Variants in FREM3 observed in about 807,000 individuals in gnomAD.
FREM3 encodes the protein FRAS1-related extracellular matrix protein 3.
Under a neutral mutation model 129.1 loss-of-function variants are expected in FREM3, and 105 were observed. The observed-to-expected ratio is 0.81, with a 90% CI of 0.69 to 0.96. FREM3 has a LOEUF of 0.96. Ranked by LOEUF, FREM3 falls within the 40% of genes least tolerant of loss-of-function variation. The pLI, the probability that FREM3 is intolerant of heterozygous loss-of-function variation, is 0.00. For missense variants in FREM3, 2,593 were observed against 2,666.3 expected (o/e 0.97, Z 0.61); for synonymous variants, 1,014 against 1,044.9 (o/e 0.97, Z 0.57).
At chr4:143,610,195 G>A (rs1305188054) in intron 6 of FREM3, among the ~76,000 whole-genome samples, 1 of 152,060 alleles carries the variant, frequency 6.6e-6, no homozygotes, top group African/African-American at 2.4e-5. Context: ...TGGAGCAAAA[G>A]TAGTCTACTG....
intron 2 of FREM3, among the ~76,000 whole-genome samples, chr4:143,668,856 A>C (rs1739914587): frequency 6.6e-6 from 1 of 152,236 alleles, no homozygotes; most frequent in South Asian, 2.1e-4. Flanking sequence ...TCATACATGG[A>C]GACAACCCAG....
chr4:143,617,379 C>T (rs1031452056), intron 5 of FREM3, among the ~76,000 whole-genome samples: 22 of 151,946 alleles, frequency 1.4e-4, no homozygotes, highest in African/African-American at 5.3e-4. Context: ...ATGGGACAGC[C>T]CCCACAATAA....
At chr4:143,686,046 C>T (rs966182604) in intron 2 of FREM3, among the ~76,000 whole-genome samples, 1 of 152,038 alleles carries the variant, frequency 6.6e-6, no homozygotes, top group Admixed American at 6.6e-5. Context: ...TGGATAAGAA[C>T]TTACCAACCA....
At chr4:143,578,095 A>C (rs1738071429) in intron 7 of FREM3, among the ~76,000 whole-genome samples, 1 of 152,258 alleles carries the variant, frequency 6.6e-6, no homozygotes, top group South Asian at 2.1e-4. Context: ...TAGACCAGGC[A>C]CATCACCTTC....
chr4:143,595,658 T>C (rs146091293), intron 6 of FREM3, among the ~76,000 whole-genome samples: 156 of 151,990 alleles, frequency 1.0e-3, no homozygotes, highest in Middle Eastern at 6.8e-3. Context: ...GAGGCCAAGG[T>C]GGGCGGATCA....
intron 2 of FREM3, among the ~76,000 whole-genome samples, chr4:143,642,376 G>C (rs1462435622): frequency 2.0e-5 from 3 of 152,038 alleles, no homozygotes; most frequent in African/African-American, 4.8e-5. Flanking sequence ...CACACTACCT[G>C]ACCTCAAAAT....
intron 6 of FREM3, among the ~76,000 whole-genome samples, chr4:143,590,339 G>A (rs1560836111): frequency 1.3e-5 from 2 of 152,198 alleles, no homozygotes; most frequent in South Asian, 2.1e-4. Context: ...AATGTTTCCA[G>A]TTTTTGCCCA....
At chr4:143,630,423 T>C (rs2149843690) in intron 2 of FREM3, among the ~76,000 whole-genome samples, 1 of 152,328 alleles carries the variant, frequency 6.6e-6, no homozygotes, top group East Asian at 1.9e-4. Flanking sequence ...AACATTTTTC[T>C]TTTTAAAGCA....
chr4:143,663,592 T>G (rs994573199), intron 2 of FREM3, among the ~76,000 whole-genome samples: 11 of 152,106 alleles, frequency 7.2e-5, no homozygotes, highest in African/African-American at 2.7e-4. Flanking sequence ...GGCGTATCTT[T>G]GTGGCATTCT....
At chr4:143,617,636 G>T (rs1056644501) in intron 5 of FREM3, among the ~76,000 whole-genome samples, 1 of 151,112 alleles carries the variant, frequency 6.6e-6, no homozygotes, top group African/African-American at 2.5e-5. Flanking sequence ...ACCAGATATA[G>T]CCAGCTCCAT....
intron 2 of FREM3, among the ~76,000 whole-genome samples, chr4:143,690,142 A>T (rs1187434475): frequency 6.6e-6 from 1 of 152,164 alleles, no homozygotes; most frequent in Non-Finnish European, 1.5e-5. Context: ...CAAGCCACTA[A>T]GTTTGTGGTA....
chr4:143,673,601 C>T (rs1344851040), intron 2 of FREM3, among the ~76,000 whole-genome samples: 1 of 152,166 alleles, frequency 6.6e-6, no homozygotes, highest in Non-Finnish European at 1.5e-5. Flanking sequence ...CTAGGAGAAC[C>T]ACTACTCTCT....
At chr4:143,678,710 T>C (rs1740194395) in intron 2 of FREM3, among the ~76,000 whole-genome samples, 1 of 152,008 alleles carries the variant, frequency 6.6e-6, no homozygotes, top group African/African-American at 2.4e-5. Context: ...AGATTAAAAG[T>C]TCAAAACAAC....
At position 143,577,682 on chromosome 4, in the gene FREM3, T is replaced by G; in HGVS notation, c.6349A>C (p.Asn2117His). 6.5e-7 allele frequency: 1 copy of G among 1,537,304 alleles called. No individual in the cohort carries two copies. ...TCCTCGATGAAAATGGTAGTTTTAT[T>G]TGGTTCTCCAAGCACTGCACCCATA... ...MPMGAVLGEP[N>H]KTTIFIEDTI... The change falls in exon 8 of 8, where the codon AAT becomes CAT. Residue 2117 changes from asparagine (N) to histidine (H), a missense_variant. Asn to His is a moderately conservative substitution (Grantham distance 68, BLOSUM62 1). Transcript: ENST00000329798.
intron 2 of FREM3, among the ~76,000 whole-genome samples, chr4:143,673,603 C>T (rs966877754): frequency 2.6e-5 from 4 of 152,214 alleles, no homozygotes; most frequent in Non-Finnish European, 4.4e-5. Context: ...AGGAGAACCA[C>T]TACTCTCTTC....
At position 143,697,745 on chromosome 4, in the gene FREM3, C is replaced by T; in HGVS notation, c.2931G>A (p.Lys977=). Residue 977 remains lysine, a synonymous_variant, in exon 1 of 8, where the codon AAG becomes AAA. Transcript: ENST00000329798. ...AAGACAGCATCAAGTCACCTACATC[C>T]TTCCTTTTGCCATGGATGACACCCA... ...ITMGVIHGKR[K]DVGDLMLSFI... is the part of the protein sequence containing the mutation. 6.5e-7 allele frequency: 1 copy of T among 1,537,622 alleles called. No homozygotes were observed. The highest frequency in any genetic ancestry group is 1.2e-5 in the South Asian group (1 of 84,060).
chr4:143,592,824 T>G lies in FREM3; in HGVS notation c.6029-6831A>C, dbSNP rs562168686. On this transcript the variant is annotated intron_variant, in intron 6 of 7. Transcript: ENST00000329798. Reference sequence around the variant, plus strand: ...GGGGAAGTTCTCCTGGATAATATCCTGCAGAGTGTTTTCCAACTTGGTTCC... The same window carrying G: ...GGGGAAGTTCTCCTGGATAATATCCGGCAGAGTGTTTTCCAACTTGGTTCC... Among the ~76,000 whole-genome samples, 498 of 152,342 alleles carry G rather than the reference T, an allele frequency of 3.3e-3. 8 individuals carry two copies. Among genetic ancestry groups the G allele is most frequent in the Middle Eastern group, 0.01 (3 of 294 alleles).
At chr4:143,605,957 G>A (rs891710046) in intron 6 of FREM3, among the ~76,000 whole-genome samples, 2 of 151,834 alleles carry the variant, frequency 1.3e-5, no homozygotes, top group Admixed American at 1.3e-4. Context: ...TTTTTCCCTT[G>A]TGGCCATTGT....
Position 143,700,557 on chromosome 4 carries a change from G to C in FREM3, c.119C>G (p.Pro40Arg). 1 of 1,517,086 alleles carries C rather than the reference G, an allele frequency of 6.6e-7. No homozygotes were observed. Among genetic ancestry groups the C allele is most frequent in the Non-Finnish European group, 8.8e-7 (1 of 1,135,674 alleles). The allele number at this position is 1,517,086 out of a possible 1,614,324, so 94.0% of individuals were successfully genotyped here. The change falls in exon 1 of 8, where the codon CCC becomes CGC. Residue 40 changes from proline to arginine, a missense_variant. Around this residue, in one of 2 missense-constraint regions of FREM3, gnomAD observed 2,276 missense variants for 2,267.2 expected, o/e 1.00. Coordinates refer to ENST00000329798, the MANE Select transcript of FREM3 (RefSeq NM_001168235.2). Reference sequence around the variant, plus strand: ...GGCGGGCAGGTAAAGCGCCGGGTCGGGCTCGGTCCCAAGTGAGGATGCCCG... The same window carrying C: ...GGCGGGCAGGTAAAGCGCCGGGTCGCGCTCGGTCCCAAGTGAGGATGCCCG... Reference protein sequence around the residue: ...QGRASSLGTEPDPALYLPARG... With the variant: ...QGRASSLGTERDPALYLPARG...
Sources: gnomAD v4.1 joint callset for allele counts (sites outside exome capture counted in the v4.1 genomes callset) on GRCh38, gnomAD v4.1.1 for gene constraint, gnomAD v4.1.1 regional missense constraint, MANE v1.5 for transcripts, NCBI Gene and HGNC (gene_info 2026-07-23, HGNC 2026-07-21) for gene names.